Variants in CLEC12B observed in about 807,000 individuals in gnomAD.
The protein encoded by CLEC12B is macrophage antigen h.
CLEC12B carries 25 observed loss-of-function variants against 36.1 expected under a neutral mutation model. The ratio of observed to expected loss-of-function variants is 0.69; its 90% CI spans 0.50 to 0.97. CLEC12B has a LOEUF of 0.97. Ranked by LOEUF, CLEC12B falls within the 50% of genes least tolerant of loss-of-function variation. The pLI is 0.00. For missense variants in CLEC12B, 325 were observed against 318.4 expected (o/e 1.02, Z -0.16); for synonymous variants, 110 against 108.5 (o/e 1.01, Z -0.09).
intron 2 of CLEC12B, 104 bp downstream of exon 2, chr12:10,012,987 C>A: frequency 1.2e-6 from 1 of 841,314 alleles, no homozygotes; most frequent in Non-Finnish European, 2.0e-6. Context: ...CCTGAATCGT[C>A]TGATACTTTT....
In CLEC12B at chr12:10,018,354, A is replaced by G; in HGVS notation, c.704A>G (p.Gln235Arg). 6.7e-7 allele frequency: 1 copy of G among 1,503,722 alleles called. No individual in the cohort carries two copies. The highest frequency in any genetic ancestry group is 9.0e-7 in the Non-Finnish European group (1 of 1,109,182). 93.1% of individuals were successfully genotyped at this position (1,503,722 alleles called of 1,614,324 possible). A position where few individuals can be genotyped will look rare whatever the true frequency, so the allele number is the denominator to read the frequency against. Residue 235 changes from glutamine to arginine, a missense_variant, in exon 6 of 6, where the codon CAG (glutamine) becomes CGG (arginine). Gln to Arg is a conservative substitution (Grantham distance 43, BLOSUM62 1). Coordinates refer to ENST00000338896, the MANE Select transcript of CLEC12B (RefSeq NM_001129998.3). ...AGATTTAGTACTAAAGAACTTGACCAGATCAATGGATCCAAAGGATGTGCT... is the reference window on the plus strand; with the variant it reads ...AGATTTAGTACTAAAGAACTTGACCGGATCAATGGATCCAAAGGATGTGCT... Reference protein sequence around the residue: ...PSLFSTKELDQINGSKGCAYF... With the variant: ...PSLFSTKELDRINGSKGCAYF...
At chr12:10,012,538 G>A (rs559247105) in intron 1 of CLEC12B, among the ~76,000 whole-genome samples, 4 of 152,082 alleles carry the variant, frequency 2.6e-5, no homozygotes, top group Admixed American at 6.6e-5. Context: ...TCTCCTAAAG[G>A]TATGCCTCCC....
chr12:10,016,142 C>G (rs537959085), intron 5 of CLEC12B: 4 of 201,980 alleles, frequency 2.0e-5, no homozygotes, highest in Non-Finnish European at 2.7e-5. Context: ...TTCTGACTCT[C>G]CAGCACCTAC....
rs749697114 is a variant in CLEC12B, at chr12:10,010,843, A to C, written c.84A>C (p.Arg28Ser). 1 of 1,607,198 alleles carries C rather than the reference A, an allele frequency of 6.2e-7. No homozygotes were observed. Among genetic ancestry groups the C allele is most frequent in the Admixed American group, 1.7e-5 (1 of 59,912 alleles). ...ARNNRDGNNL[R>S]KRGHPAPSPI... ...ATAACCGAGATGGAAATAACCTAAG[A>C]AAAAGAGGTAGGAGTTCAGAGAAGA... Residue 28 changes from arginine (R) to serine (S), a missense_variant, in exon 1 of 6, where the codon AGA (arginine) becomes AGC (serine). Transcript: ENST00000338896.
chr12:10,010,410 C>T (rs757887809), upstream of CLEC12B, among the ~76,000 whole-genome samples: 3 of 152,218 alleles, frequency 2.0e-5, no homozygotes, highest in Non-Finnish European at 4.4e-5. Context: ...TTTTCTGAAA[C>T]ATTCAGAGCA....
chr12:10,007,519 T>TC (rs1393745386), upstream of CLEC12B, among the ~76,000 whole-genome samples: 1 of 152,200 alleles, frequency 6.6e-6, no homozygotes, highest in African/African-American at 2.4e-5. Context: ...TTTCTGAATT[T>TC]CTTTTTTTTC....
upstream of CLEC12B, among the ~76,000 whole-genome samples, chr12:10,010,157 C>CTCTCTCTCTG (rs1238282140): frequency 1.3e-5 from 2 of 148,778 alleles, no homozygotes; most frequent in Non-Finnish European, 3.0e-5. Flanking sequence ...CACCATGTCT[C>CTCTCTCTCTG]TCTCTCTCTG....
At chr12:10,006,676 G>A (rs139305741), upstream of CLEC12B, among the ~76,000 whole-genome samples, 607 of 152,250 alleles carry the variant, frequency 4.0e-3, 4 homozygotes, top group African/African-American at 0.014. Flanking sequence ...CTGTTTATAC[G>A]ATGTGTAAGA....
chr12:10,009,397 A>C (rs10505744), upstream of CLEC12B, among the ~76,000 whole-genome samples: 1 of 152,182 alleles, frequency 6.6e-6, no homozygotes, highest in African/African-American at 2.4e-5. Flanking sequence ...GTAATCATCT[A>C]TTTAAACTGG....
upstream of CLEC12B, among the ~76,000 whole-genome samples, chr12:10,010,112 T>C (rs1865287343): frequency 6.6e-6 from 1 of 152,010 alleles, no homozygotes; most frequent in Admixed American, 6.6e-5. Flanking sequence ...AGTAGCTAAG[T>C]AGCTATCAGT....
At chr12:10,010,051 G>T (rs1865286313), upstream of CLEC12B, among the ~76,000 whole-genome samples, 1 of 152,006 alleles carries the variant, frequency 6.6e-6, no homozygotes, top group Non-Finnish European at 1.5e-5. Flanking sequence ...GTTCTGTTAG[G>T]AACTTTCCCA....
At chr12:10,015,450 A>G in intron 4 of CLEC12B, 44 bp downstream of exon 4, 1 of 1,579,350 alleles carries the variant, frequency 6.3e-7, no homozygotes. Context: ...TTATCCATAC[A>G]ATGAGAGAGA....
At chr12:10,009,745 C>G (rs948422868), upstream of CLEC12B, among the ~76,000 whole-genome samples, 1 of 152,070 alleles carries the variant, frequency 6.6e-6, no homozygotes, top group Non-Finnish European at 1.5e-5. Context: ...CAGATATGAA[C>G]CTTGGAAGTT....
chr12:10,011,411 T>G (rs929848338), intron 1 of CLEC12B, among the ~76,000 whole-genome samples: 2 of 152,332 alleles, frequency 1.3e-5, no homozygotes, highest in African/African-American at 4.8e-5. Context: ...TAGTATTTTA[T>G]GTACATTATA....
At chr12:10,011,293 G>A (rs534027231) in intron 1 of CLEC12B, among the ~76,000 whole-genome samples, 2 of 152,272 alleles carry the variant, frequency 1.3e-5, no homozygotes, top group South Asian at 4.1e-4. Context: ...GAGTGGATTA[G>A]AAATAGATCA....
rs776328955 is a variant in CLEC12B at position 10,010,757 on chromosome 12, A to T, written c.-3A>T. 1.7e-5 allele frequency: 27 copies of T among 1,566,174 alleles called. No individual in the cohort carries two copies. Among genetic ancestry groups the T allele is most frequent in the Admixed American group, 5.0e-5 (3 of 59,846 alleles). On this transcript the variant is annotated 5_prime_UTR_variant, in exon 1 of 6. Transcript: ENST00000338896. ...ATAATTTAAAGTAGCGTTTTCTTCT[A>T]CAATGTCTGAAGAAGTGACCTACGC... is the stretch of plus-strand genomic sequence containing the variant.
intron 5 of CLEC12B, chr12:10,017,097 C>T (rs1865504920): frequency 1.0e-6 from 1 of 985,290 alleles, no homozygotes; most frequent in South Asian, 4.7e-5. Context: ...ATTATTTTCT[C>T]CCTGGATACA....
upstream of CLEC12B, among the ~76,000 whole-genome samples, chr12:10,006,403 T>C (rs1247654603): frequency 6.6e-6 from 1 of 152,054 alleles, no homozygotes; most frequent in Non-Finnish European, 1.5e-5. Flanking sequence ...AAGAAATTAA[T>C]TCCCATTCTG....
intron 1 of CLEC12B, among the ~76,000 whole-genome samples, chr12:10,011,821 A>C (rs1309063953): frequency 6.6e-6 from 1 of 152,134 alleles, no homozygotes; most frequent in African/African-American, 2.4e-5. Flanking sequence ...GCATATGTCT[A>C]ATAAATGTGG....
Sources: gnomAD v4.1 joint callset for allele counts (sites outside exome capture counted in the v4.1 genomes callset) on GRCh38, gnomAD v4.1.1 for gene constraint, MANE v1.5 for transcripts, NCBI Gene and HGNC (gene_info 2026-07-23, HGNC 2026-07-21) for gene names.